PKNOX2: variants seen among roughly 807,000 people sequenced by gnomAD.
PKNOX2 encodes homeobox protein PKNOX2.
PKNOX2 carries 14 observed loss-of-function variants against 53.1 expected under a neutral mutation model. The observed-to-expected ratio is 0.26, with a 90% CI of 0.17 to 0.41. The LOEUF (loss-of-function observed/expected upper bound fraction) is 0.41. PKNOX2 is among the 10% of genes least tolerant of loss of function. The probability of loss-of-function intolerance (pLI) is 1.00; values close to 1 mark genes in which losing one functional copy is unlikely to be tolerated. For synonymous variants in PKNOX2, 257 were observed against 242.8 expected, an observed-to-expected ratio of 1.06 and a Z score of -0.54; for missense variants, 496 against 602.8, an observed-to-expected ratio of 0.82 and a Z score of 1.85.
chr11:125,310,253 T>C (rs1948721631), intron 2 of PKNOX2, among the ~76,000 whole-genome samples: 1 of 152,050 alleles, frequency 6.6e-6, no homozygotes, highest in Non-Finnish European at 1.5e-5. Context: ...TCCCAGCACT[T>C]TGGGAGGCTG....
intron 3 of PKNOX2, chr11:125,332,623 T>A (rs1016359487): frequency 6.6e-6 from 1 of 152,094 alleles, no homozygotes; most frequent in Non-Finnish European, 1.5e-5. Flanking sequence ...CAGTATGCCA[T>A]GATAAGGGCT....
rs377055199 is a variant in PKNOX2 at position 125,398,125 on chromosome 11, G to T, written c.588+63G>T. 7.8e-4 allele frequency: 1,177 copies of T among 1,503,668 alleles called. 2 individuals are homozygous for T. The highest frequency in any genetic ancestry group is 9.4e-4 in the Non-Finnish European group (1,051 of 1,116,032). 93.1% of individuals were successfully genotyped at this position (1,503,668 alleles called of 1,614,324 possible). ...CTCCTAAGCCCAGCTCTGGAGCCAC[G>T]CGTGGAGGAAGGTCCCCTGGTGACC... On this transcript the variant is annotated intron_variant, in intron 7 of 12. Transcript: ENST00000298282.
Position 125,422,172 on chromosome 11 carries a change from C to A in PKNOX2, c.937-6840C>A, listed in dbSNP as rs11220061. ...CCCCTCGCTCCAAGTTGTTGTGGTC[C>A]TCAAACCCTCTTCACCCCTTATTCT... On this transcript the variant is annotated intron_variant, in intron 10 of 12. Coordinates refer to ENST00000298282, the MANE Select transcript of PKNOX2 (RefSeq NM_001382323.2). The surrounding 1 kb of genome is among the most constrained non-coding windows in gnomAD (Gnocchi z 4.1). Among the ~76,000 whole-genome samples the A allele has an allele frequency of 0.38, 57,994 of 151,882 alleles. 11,454 individuals carry two copies. The highest frequency in any genetic ancestry group is 0.48 in the South Asian group (2,303 of 4,820).
At chr11:125,241,298 G>A (rs150524499) in intron 2 of PKNOX2, among the ~76,000 whole-genome samples, 5 of 152,208 alleles carry the variant, frequency 3.3e-5, no homozygotes, top group East Asian at 1.9e-4. Context: ...TTTATGCCTC[G>A]GTGCCTTTGC....
chr11:125,430,015 C>A lies in PKNOX2; in HGVS notation c.1066C>A (p.Pro356Thr), dbSNP rs1334032039. Residue 356 changes from proline to threonine, a missense_variant, in exon 12 of 13, where the codon CCA (proline) becomes ACA (threonine). By Grantham distance (38) the Pro-to-Thr change is conservative. Transcript: ENST00000298282. ...ILQPMLDASNPDPAPKAKKIK... is the reference protein window; with the variant it reads ...ILQPMLDASNTDPAPKAKKIK... ...GCAGCCCATGCTTGATGCCAGCAAC[C>A]CAGATCCTGCCCCCAAAGCCAAGAA... is the stretch of plus-strand genomic sequence containing the variant. The A allele has an allele frequency of 1.2e-6, 2 of 1,614,064 alleles. No homozygotes were observed. The highest frequency in any genetic ancestry group is 1.7e-6 in the Non-Finnish European group (2 of 1,180,040).
chr11:125,259,185 G>A (rs561817699), intron 2 of PKNOX2: 1 of 153,032 alleles, frequency 6.5e-6, no homozygotes, highest in Admixed American at 6.5e-5. Context: ...AAAATCCTAG[G>A]GTCTTTGCAC....
intron 2 of PKNOX2, among the ~76,000 whole-genome samples, chr11:125,272,662 G>A (rs1035188832): frequency 3.9e-5 from 6 of 152,260 alleles, no homozygotes; most frequent in African/African-American, 9.6e-5. Flanking sequence ...ATCGTGTCGC[G>A]TAAAGAGGGC....
intron 2 of PKNOX2, among the ~76,000 whole-genome samples, chr11:125,310,145 A>T (rs1410957151): frequency 6.6e-6 from 1 of 152,180 alleles, no homozygotes; most frequent in Non-Finnish European, 1.5e-5. Flanking sequence ...TTAGTTTGAC[A>T]TGACTGTTTT....
At chr11:125,351,256 G>A in intron 3 of PKNOX2, 28 bp from the exon 4 acceptor site, 1 of 949,788 alleles carries the variant, frequency 1.1e-6, no homozygotes, top group Non-Finnish European at 1.7e-6. Context: ...CGGTGTTAAC[G>A]GTGCGGCCCC....
At chr11:125,175,251 A>AAGGAAGGAAGGAAGGAAG (rs1283725087) in intron 1 of PKNOX2, among the ~76,000 whole-genome samples, 1 of 58,708 alleles carries the variant, frequency 1.7e-5, no homozygotes, top group Non-Finnish European at 4.0e-5. Context: ...AAGGAAGGAA[A>AAGGAAGGAAGGAAGGAAG]GAAGGAAGGA....
rs183225351 is a variant in PKNOX2 at position 125,303,023 on chromosome 11, G to A, written c.-129-28796G>A. On this transcript the variant is annotated intron_variant, in intron 2 of 12. Transcript: ENST00000298282. ...GCCCCAGCCCTCTAGAAGGCCAGAAGCCACAGTGCCTCTATTCCTCCATGT... is the reference window on the plus strand; with the variant it reads ...GCCCCAGCCCTCTAGAAGGCCAGAAACCACAGTGCCTCTATTCCTCCATGT... Among the ~76,000 whole-genome samples, 714 of 151,994 alleles carry A rather than the reference G, an allele frequency of 4.7e-3. 15 individuals carry two copies. The highest frequency in any genetic ancestry group is 0.017 in the African/African-American group (694 of 41,438).
chr11:125,420,255 C>T (rs539798838), intron 10 of PKNOX2, among the ~76,000 whole-genome samples: 4 of 149,414 alleles, frequency 2.7e-5, no homozygotes, highest in Non-Finnish European at 4.4e-5. Flanking sequence ...GGGCCGGGCA[C>T]GGTGGCTCAC....
chr11:125,384,882 G>A (rs1243029159), intron 5 of PKNOX2, among the ~76,000 whole-genome samples: 1 of 152,200 alleles, frequency 6.6e-6, no homozygotes, highest in African/African-American at 2.4e-5. Flanking sequence ...AAGTCAGGTA[G>A]AGTCTCAGAG....
At chr11:125,303,767 T>TA (rs1026690544) in intron 2 of PKNOX2, among the ~76,000 whole-genome samples, 1 of 151,800 alleles carries the variant, frequency 6.6e-6, no homozygotes, top group African/African-American at 2.4e-5. Flanking sequence ...GAAAGTGACA[T>TA]AAAAAAAGAG....
chr11:125,294,334 C>T (rs921381035), intron 2 of PKNOX2, among the ~76,000 whole-genome samples: 1 of 152,080 alleles, frequency 6.6e-6, no homozygotes, highest in Non-Finnish European at 1.5e-5. Context: ...GGCGAAAAGG[C>T]ACGAACCAGA....
At chr11:125,421,251 A>G (rs923525727) in intron 10 of PKNOX2, among the ~76,000 whole-genome samples, 2 of 152,204 alleles carry the variant, frequency 1.3e-5, no homozygotes, top group African/African-American at 4.8e-5. Context: ...GAGCCAGAAG[A>G]GTGTGTCCAG....
chr11:125,401,597 C>T (rs1463642820), intron 7 of PKNOX2, among the ~76,000 whole-genome samples: 1 of 152,190 alleles, frequency 6.6e-6, no homozygotes, highest in Non-Finnish European at 1.5e-5. Flanking sequence ...CTTCCCAGGA[C>T]AGGCCCCTGT....
At chr11:125,168,086 C>T (rs76569260) in intron 1 of PKNOX2, among the ~76,000 whole-genome samples, 2,674 of 152,296 alleles carry the variant, frequency 0.018, 75 homozygotes, top group African/African-American at 0.059. Context: ...TTCAGGATTT[C>T]AGCCCAGCTG....
chr11:125,345,119 G>T (rs1299284897), intron 3 of PKNOX2, among the ~76,000 whole-genome samples: 2 of 152,098 alleles, frequency 1.3e-5, no homozygotes, highest in Non-Finnish European at 2.9e-5. Context: ...GAATCCTCAG[G>T]GTCCCCAGCT....
Sources: gnomAD v4.1 joint callset for allele counts (sites outside exome capture counted in the v4.1 genomes callset) on GRCh38, gnomAD v4.1.1 for gene constraint, Gnocchi (gnomAD v3.1) non-coding constraint, MANE v1.5 for transcripts, NCBI Gene and HGNC (gene_info 2026-07-23, HGNC 2026-07-21) for gene names.